FAM135B: variants seen among roughly 807,000 people sequenced by gnomAD.
The protein encoded by FAM135B is family with sequence similarity 135 member B.
In FAM135B, 43 loss-of-function variants were observed where a neutral mutation model predicts 127.7. That is an observed-to-expected ratio of 0.34 (90% CI 0.26 to 0.43). The LOEUF (loss-of-function observed/expected upper bound fraction) is 0.43, where lower values mean the gene tolerates loss of function less well. Ranked by LOEUF, FAM135B falls within the 20% of genes least tolerant of loss-of-function variation. FAM135B has a pLI of 1.00. For synonymous variants in FAM135B, 670 were observed against 665.1 expected, an observed-to-expected ratio of 1.01 and a Z score of -0.11; for missense variants, 1,558 against 1,725.6, an observed-to-expected ratio of 0.90 and a Z score of 1.72.
chr8:138,378,335 A>G (rs1215396135), intron 1 of FAM135B, among the ~76,000 whole-genome samples: 3 of 152,242 alleles, frequency 2.0e-5, no homozygotes, highest in African/African-American at 7.2e-5. Flanking sequence ...AGTCCAAGCA[A>G]TACAGAGGCC....
chr8:138,313,209 G>A (rs1826825409), intron 2 of FAM135B, among the ~76,000 whole-genome samples: 1 of 152,074 alleles, frequency 6.6e-6, no homozygotes, highest in African/African-American at 2.4e-5. Flanking sequence ...TCGGCTCACT[G>A]CAACTTCCGT....
intron 3 of FAM135B, among the ~76,000 whole-genome samples, chr8:138,267,962 C>T (rs1270162197): frequency 1.3e-5 from 2 of 152,296 alleles, no homozygotes; most frequent in East Asian, 1.9e-4. Context: ...TGTCTAGGCC[C>T]CACTGATCTA....
intron 1 of FAM135B, among the ~76,000 whole-genome samples, chr8:138,489,116 G>A (rs576097676): frequency 2.6e-5 from 4 of 152,292 alleles, no homozygotes; most frequent in African/African-American, 9.6e-5. Context: ...CTAAGTCTGT[G>A]TATTCCGCCA....
chr8:138,485,747 G>A lies in FAM135B; in HGVS notation c.-20+10924C>T, dbSNP rs114345884. Reference sequence around the variant, plus strand: ...GTAAGGAGGGGAGTTATAAAAAAGAGGGCTAAAGAACTGAGGGAAATAGGG... The same window carrying A: ...GTAAGGAGGGGAGTTATAAAAAAGAAGGCTAAAGAACTGAGGGAAATAGGG... On this transcript the variant is annotated intron_variant, in intron 1 of 19. Transcript: ENST00000395297. 1.8e-3 allele frequency among the ~76,000 whole-genome samples: 269 copies of A among 152,218 alleles called. 2 individuals are homozygous for A. Among genetic ancestry groups the A allele is most frequent in the African/African-American group, 6.0e-3 (251 of 41,544 alleles).
intron 1 of FAM135B, chr8:138,441,464 T>C (rs1471192620): frequency 6.6e-6 from 1 of 152,224 alleles, no homozygotes; most frequent in Non-Finnish European, 1.5e-5. Context: ...TTTATTGGAT[T>C]GAGACCAAAC....
chr8:138,350,672 G>T (rs2131115440), intron 2 of FAM135B, among the ~76,000 whole-genome samples: 1 of 152,268 alleles, frequency 6.6e-6, no homozygotes, highest in African/African-American at 2.4e-5. Context: ...GAATCAGAAA[G>T]CTGAGATTCT....
intron 2 of FAM135B, among the ~76,000 whole-genome samples, chr8:138,335,077 TA>T (rs1430884412): frequency 8.5e-5 from 13 of 152,226 alleles, no homozygotes; most frequent in South Asian, 6.2e-4. Flanking sequence ...CTAGTTTGTT[TA>T]AATGAGTATA....
intron 7 of FAM135B, among the ~76,000 whole-genome samples, chr8:138,209,339 G>A (rs1278149774): frequency 6.6e-6 from 1 of 152,194 alleles, no homozygotes; most frequent in Non-Finnish European, 1.5e-5. Flanking sequence ...ACACGTAGGG[G>A]TAGAAAAAGG....
At chr8:138,434,982 T>C (rs1056216344) in intron 1 of FAM135B, among the ~76,000 whole-genome samples, 9 of 152,116 alleles carry the variant, frequency 5.9e-5, no homozygotes, top group African/African-American at 2.2e-4. Flanking sequence ...TATCAGACAA[T>C]GTACATATTT....
At chr8:138,177,237 TG>T in intron 11 of FAM135B, 109 bp downstream of exon 11, 1 of 961,268 alleles carries the variant, frequency 1.0e-6, no homozygotes, top group Non-Finnish European at 1.6e-6. Flanking sequence ...AGTGCAGAGG[TG>T]GGCAGACTTC....
At chr8:138,304,349 A>AGG (rs1327616535) in intron 3 of FAM135B, among the ~76,000 whole-genome samples, 3 of 152,194 alleles carry the variant, frequency 2.0e-5, no homozygotes, top group Non-Finnish European at 4.4e-5. Flanking sequence ...CTCCACAGGG[A>AGG]AGCCCCAGGT....
At chr8:138,214,141 C>T (rs1204301621) in intron 7 of FAM135B, among the ~76,000 whole-genome samples, 1 of 152,162 alleles carries the variant, frequency 6.6e-6, no homozygotes, top group Non-Finnish European at 1.5e-5. Flanking sequence ...CAGGTAATTG[C>T]CCCTGGCTTT....
intron 14 of FAM135B, 135 bp from the exon 15 acceptor site, chr8:138,146,185 T>C (rs1196435192): frequency 1.7e-6 from 1 of 591,364 alleles, no homozygotes; most frequent in Admixed American, 3.2e-5. Context: ...GTAGATAATA[T>C]AAACAACTAA....
At chr8:138,153,441 T>A (rs1818376804) in intron 12 of FAM135B, among the ~76,000 whole-genome samples, 1 of 152,056 alleles carries the variant, frequency 6.6e-6, no homozygotes. Context: ...TGGGACTTGT[T>A]GGACAGTGAG....
chr8:138,218,924 A>G (rs1196400131), intron 7 of FAM135B, among the ~76,000 whole-genome samples: 4 of 152,254 alleles, frequency 2.6e-5, no homozygotes, highest in East Asian at 3.8e-4. Context: ...ATGAAATTGA[A>G]CCAAAATAGA....
At chr8:138,489,816 C>T (rs577499367) in intron 1 of FAM135B, among the ~76,000 whole-genome samples, 5 of 152,254 alleles carry the variant, frequency 3.3e-5, no homozygotes, top group Non-Finnish European at 4.4e-5. Context: ...ACAGCTCCCC[C>T]GACTCCTTAT....
In FAM135B at chr8:138,238,172, T is replaced by C. The variant is rs114677751; in HGVS notation, c.669+4770A>G. Among the ~76,000 whole-genome samples, 967 of 152,294 alleles carry C rather than the reference T, an allele frequency of 6.3e-3. 7 individuals carry two copies. The highest frequency in any genetic ancestry group is 0.022 in the African/African-American group (904 of 41,576). Reference sequence around the variant, plus strand: ...CTCAATGTCTCACCACAAGGCTGCATTGAAGCTCTTGGAGGAAGATTTGAT... The same window carrying C: ...CTCAATGTCTCACCACAAGGCTGCACTGAAGCTCTTGGAGGAAGATTTGAT... On this transcript the variant is annotated intron_variant, in intron 7 of 19. Transcript: ENST00000395297.
At chr8:138,307,093 T>C (rs566468811) in intron 3 of FAM135B, among the ~76,000 whole-genome samples, 25 of 152,224 alleles carry the variant, frequency 1.6e-4, no homozygotes, top group Admixed American at 2.6e-4. Flanking sequence ...GGTTTTGCTA[T>C]GTCCCCACCC....
chr8:138,435,103 T>A (rs1349269492), intron 1 of FAM135B, among the ~76,000 whole-genome samples: 1 of 151,776 alleles, frequency 6.6e-6, no homozygotes, highest in Non-Finnish European at 1.5e-5. Flanking sequence ...GTCAGGAGTT[T>A]ATGGCCAAGA....
Sources: gnomAD v4.1 joint callset for allele counts (sites outside exome capture counted in the v4.1 genomes callset) on GRCh38, gnomAD v4.1.1 for gene constraint, MANE v1.5 for transcripts, NCBI Gene and HGNC (gene_info 2026-07-23, HGNC 2026-07-21) for gene names.